The following SEC14L5 variants were observed in gnomAD, a reference collection of about 807,000 sequenced individuals.
SEC14L5 encodes the protein SEC14 like lipid binding 5.
In SEC14L5, 96 loss-of-function variants were observed where a neutral mutation model predicts 84.6. That is an observed-to-expected ratio of 1.13 (90% CI 0.96 to 1.34). The LOEUF (loss-of-function observed/expected upper bound fraction) is 1.34. Ranked by LOEUF, SEC14L5 falls within the 40% of genes most tolerant of loss-of-function variation. The pLI is 0.00. For missense variants in SEC14L5, 1,224 were observed against 942.5 expected (o/e 1.30, Z -3.91); for synonymous variants, 546 against 383.4 (o/e 1.42, Z -4.95).
intron 6 of SEC14L5, among the ~76,000 whole-genome samples, chr16:4,992,829 A>G (rs1276854397): frequency 6.6e-6 from 1 of 152,216 alleles, no homozygotes; most frequent in East Asian, 1.9e-4. Context: ...ATATATGCAC[A>G]TAAAATGTAT....
chr16:5,006,172 C>T (rs1290086689), intron 12 of SEC14L5, 124 bp downstream of exon 12: 4 of 962,648 alleles, frequency 4.2e-6, no homozygotes, highest in Non-Finnish European at 6.2e-6. Context: ...GTGCACTCTG[C>T]CTAGGGCAGG....
At chr16:5,014,393 AAAG>A (rs1289571832) in intron 15 of SEC14L5, among the ~76,000 whole-genome samples, 15 of 152,212 alleles carry the variant, frequency 9.9e-5, no homozygotes, top group African/African-American at 3.1e-4. Flanking sequence ...CTATACAAGA[AAAG>A]AAAGTTCTCG....
intron 6 of SEC14L5, among the ~76,000 whole-genome samples, 156 bp downstream of exon 6, chr16:4,992,186 G>A (rs914110242): frequency 2.0e-5 from 3 of 152,262 alleles, no homozygotes; most frequent in Non-Finnish European, 4.4e-5. Flanking sequence ...CCTCCACTGA[G>A]TGCTTTTCTC....
chr16:5,013,342 G>C (rs953966878), intron 15 of SEC14L5, among the ~76,000 whole-genome samples: 1 of 152,070 alleles, frequency 6.6e-6, no homozygotes, highest in African/African-American at 2.4e-5. Context: ...ACACTGGACT[G>C]AGATCTAAGT....
In SEC14L5 at chr16:5,018,209, C is replaced by G. The variant is rs550950138; in HGVS notation, c.*3239C>G. On this transcript the variant is annotated 3_prime_UTR_variant, in exon 16 of 16. Transcript: ENST00000251170. Reference sequence around the variant, plus strand: ...CAGCTCCCAGAACACAGAAAGCGCTCCATTAATGTCAGTGGTCATTCTGAT... The same window carrying G: ...CAGCTCCCAGAACACAGAAAGCGCTGCATTAATGTCAGTGGTCATTCTGAT... 6.6e-6 allele frequency: 1 copy of G among 152,360 alleles called. No individual in the cohort carries two copies. The highest frequency in any genetic ancestry group is 1.9e-4 in the East Asian group (1 of 5,190). 9.4% of individuals were successfully genotyped at this position (152,360 alleles called of 1,614,324 possible).
chr16:5,011,097 C>G lies in SEC14L5; in HGVS notation c.1803C>G (p.Gly601=). Residue 601 remains glycine (G), a splice_region_variant and synonymous_variant, in exon 15 of 16, where the codon GGC becomes GGG. Transcript: ENST00000251170. The part of the protein sequence containing the change: ...LVCREGESIQ[G]SHVTRWPGVY... Reference sequence around the variant, plus strand: ...AGGGCAGGGCTGATGTGTTTCAGGGCTCCCATGTGACCCGGTGGCCCGGCG... The same window carrying G: ...AGGGCAGGGCTGATGTGTTTCAGGGGTCCCATGTGACCCGGTGGCCCGGCG... The G allele has an allele frequency of 1.3e-6, 2 of 1,597,236 alleles. No individual in the cohort carries two copies. Among genetic ancestry groups the G allele is most frequent in the South Asian group, 1.1e-5 (1 of 88,558 alleles).
intron 11 of SEC14L5, among the ~76,000 whole-genome samples, chr16:5,004,027 G>C (rs985090641): frequency 6.6e-6 from 1 of 152,256 alleles, no homozygotes; most frequent in Non-Finnish European, 1.5e-5. Context: ...TCTGAAACAA[G>C]GGTGCAGCCA....
rs113005769 is a variant in SEC14L5, at chr16:4,970,936, C to T, written c.63+11550C>T. On this transcript the variant is annotated intron_variant, in intron 2 of 15. Transcript: ENST00000251170. Reference sequence around the variant, plus strand: ...CAGCCTGGCCAACATGGTGAAACCCCGTCTCTACTAAAAATACAAAAATTA... The same window carrying T: ...CAGCCTGGCCAACATGGTGAAACCCTGTCTCTACTAAAAATACAAAAATTA... Among the ~76,000 whole-genome samples, 1,251 of 152,176 alleles carry T rather than the reference C, an allele frequency of 8.2e-3. 8 individuals are homozygous for T. The highest frequency in any genetic ancestry group is 0.02 in the South Asian group (96 of 4,818).
At chr16:4,983,968 CAT>C (rs1378028244) in intron 2 of SEC14L5, among the ~76,000 whole-genome samples, 1 of 152,058 alleles carries the variant, frequency 6.6e-6, no homozygotes, top group East Asian at 1.9e-4. Flanking sequence ...CATATAAACA[CAT>C]ACACTTGGAG....
rs1307956656 is a variant in SEC14L5, at chr16:5,003,392, T to A, written c.1131-10T>A. On this transcript the variant is annotated splice_polypyrimidine_tract_variant and intron_variant, in intron 10 of 15. Coordinates refer to ENST00000251170, the MANE Select transcript of SEC14L5 (RefSeq NM_014692.2). ...AGAGCCAGGTGGAGCTGGGGCTATT[T>A]CTGCCACAGCTCCTGGACCTGCCTG... 1.9e-6 allele frequency: 3 copies of A among 1,609,934 alleles called. No individual in the cohort carries two copies. The highest frequency in any genetic ancestry group is 1.7e-5 in the Admixed American group (1 of 59,940).
At chr16:4,991,439 G>A (rs1299731313) in intron 5 of SEC14L5, among the ~76,000 whole-genome samples, 1 of 151,900 alleles carries the variant, frequency 6.6e-6, no homozygotes, top group Non-Finnish European at 1.5e-5. Context: ...GGTGGTGTGT[G>A]CCTATAGTCC....
intron 2 of SEC14L5, among the ~76,000 whole-genome samples, chr16:4,973,786 G>A (rs778058976): frequency 1.3e-5 from 2 of 149,418 alleles, no homozygotes; most frequent in African/African-American, 2.5e-5. Context: ...GGGTTCAAAC[G>A]ACTGTTGTGC....
In SEC14L5 at chr16:4,996,349, G is replaced by C. The variant is rs1218068417; in HGVS notation, c.669G>C (p.Gly223=). 1 of 1,547,058 alleles carries C rather than the reference G, an allele frequency of 6.5e-7. No individual in the cohort carries two copies. Among genetic ancestry groups the C allele is most frequent in the South Asian group, 1.2e-5 (1 of 83,940 alleles). ...TGAAGCTCCCCCTTCTCCTCCAAGG[G>C]GACAAGCTGGATGCGGACTACATTG... ...GPALEAVSMD[G]DKLDADYIER... Residue 223 remains glycine, a splice_region_variant and synonymous_variant, in exon 7 of 16, where the codon GGG becomes GGC. Transcript: ENST00000251170.
intron 8 of SEC14L5, among the ~76,000 whole-genome samples, chr16:4,997,358 C>T (rs1041906477): frequency 1.2e-4 from 19 of 152,224 alleles, no homozygotes; most frequent in African/African-American, 4.6e-4. Flanking sequence ...CCTTAGACTC[C>T]CAAAGTGTTG....
intron 10 of SEC14L5, among the ~76,000 whole-genome samples, chr16:5,001,383 A>C (rs1041291650): frequency 6.6e-6 from 1 of 150,488 alleles, no homozygotes; most frequent in African/African-American, 2.4e-5. Context: ...CTCAGCCTCC[A>C]GAGTAGCTGG....
At chr16:4,961,328 C>A (rs1596609726) in intron 2 of SEC14L5, among the ~76,000 whole-genome samples, 2 of 152,122 alleles carry the variant, frequency 1.3e-5, no homozygotes, top group African/African-American at 2.4e-5. Context: ...TTCTGAGCCC[C>A]ATTTTCTTTT....
chr16:4,965,763 C>T (rs1367562629), intron 2 of SEC14L5, among the ~76,000 whole-genome samples: 2 of 150,666 alleles, frequency 1.3e-5, no homozygotes, highest in Non-Finnish European at 2.9e-5. Context: ...TATTTAAGGC[C>T]AGTTGTGGTG....
At chr16:4,996,595 T>C (rs909680601) in intron 7 of SEC14L5, 135 bp downstream of exon 7, 10 of 628,742 alleles carry the variant, frequency 1.6e-5, no homozygotes, top group Non-Finnish European at 2.8e-5. Flanking sequence ...TATTCATTTA[T>C]TTCTGTGAGA....
intron 15 of SEC14L5, among the ~76,000 whole-genome samples, chr16:5,013,778 G>C (rs561798086): frequency 6.6e-6 from 1 of 151,792 alleles, no homozygotes; most frequent in Non-Finnish European, 1.5e-5. Flanking sequence ...GGCTGGTGTC[G>C]AACTCCTGGC....
Sources: allele counts gnomAD v4.1 joint callset (sites outside exome capture counted in the v4.1 genomes callset), GRCh38; gene constraint gnomAD v4.1.1; transcripts MANE v1.5; gene names NCBI Gene and HGNC (gene_info 2026-07-23, HGNC 2026-07-21).